Variants in PARD3B observed in about 807,000 individuals in gnomAD.
PARD3B encodes the protein partitioning defective 3 homolog B.
PARD3B carries 103 observed loss-of-function variants against 130.2 expected under a neutral mutation model. That is an observed-to-expected ratio of 0.79 (90% CI 0.67 to 0.93). PARD3B has a LOEUF of 0.93. Among genes scored for constraint, PARD3B ranks in the 40% least tolerant of loss-of-function variants. The pLI is 0.00. For missense variants in PARD3B, 1,609 were observed against 1,499.2 expected, an observed-to-expected ratio of 1.07 and a Z score of -1.21; for synonymous variants, 583 against 553.2, an observed-to-expected ratio of 1.05 and a Z score of -0.76.
At position 205,188,829 on chromosome 2, in the gene PARD3B, G is replaced by A. The variant is rs946890959; in HGVS notation, c.2024+2966G>A. 4.0e-5 allele frequency among the ~76,000 whole-genome samples: 6 copies of A among 149,408 alleles called. 1 individual carries two copies. Among genetic ancestry groups the A allele is most frequent in the African/African-American group, 9.8e-5 (4 of 40,836 alleles). Reference sequence around the variant, plus strand: ...GGAAAAGCCCTCTCAAAGGAAAAAAGGGTGTTGGAGGGATGAGGCTAATCT... The same window carrying A: ...GGAAAAGCCCTCTCAAAGGAAAAAAAGGTGTTGGAGGGATGAGGCTAATCT... On this transcript the variant is annotated intron_variant, in intron 14 of 22. Transcript: ENST00000406610.
At chr2:205,518,283 T>C (rs530656172) in intron 21 of PARD3B, among the ~76,000 whole-genome samples, 1 of 152,302 alleles carries the variant, frequency 6.6e-6, no homozygotes, top group South Asian at 2.1e-4. Context: ...TTATATATAT[T>C]TAGGATAGTT....
chr2:205,073,067 A>G (rs574652024), intron 4 of PARD3B, among the ~76,000 whole-genome samples: 1 of 152,302 alleles, frequency 6.6e-6, no homozygotes, highest in East Asian at 1.9e-4. Flanking sequence ...ATTTAATACA[A>G]ACATTATTAG....
rs2047541163 is a variant in PARD3B at position 204,918,598 on chromosome 2, C to G, written c.223-46554C>G. On this transcript the variant is annotated intron_variant, in intron 2 of 22. Transcript: ENST00000406610. The stretch of plus-strand genomic sequence containing the variant: ...TGAGCCGAGATCCCGCCACTGCACT[C>G]CAGCCTGGGCGACAGAGCGAGACTC... Among the ~76,000 whole-genome samples, 4 of 148,924 alleles carry G rather than the reference C, an allele frequency of 2.7e-5. No homozygotes were observed. The South Asian group carries it at 8.6e-4, about 32-fold the overall frequency.
At chr2:205,497,903 G>A (rs1437655486) in intron 20 of PARD3B, among the ~76,000 whole-genome samples, 1 of 152,044 alleles carries the variant, frequency 6.6e-6, no homozygotes, top group Non-Finnish European at 1.5e-5. Context: ...ATGGCTGGGT[G>A]TAATGGCTCA....
At chr2:204,683,500 G>T (rs1361736393) in intron 1 of PARD3B, among the ~76,000 whole-genome samples, 1 of 152,100 alleles carries the variant, frequency 6.6e-6, no homozygotes, top group Non-Finnish European at 1.5e-5. Flanking sequence ...TAAATTTATG[G>T]TCTTACGATG....
chr2:205,353,941 T>C (rs1170314880), intron 18 of PARD3B, among the ~76,000 whole-genome samples: 1 of 152,032 alleles, frequency 6.6e-6, no homozygotes, highest in Non-Finnish European at 1.5e-5. Context: ...CTCTTTAGTA[T>C]ATGAGGAAAC....
chr2:205,580,585 A>G (rs1445748500), intron 22 of PARD3B, among the ~76,000 whole-genome samples: 4 of 152,204 alleles, frequency 2.6e-5, no homozygotes, highest in Non-Finnish European at 5.9e-5. Context: ...TTAACTATAC[A>G]AAAATTCAAG....
intron 20 of PARD3B, among the ~76,000 whole-genome samples, chr2:205,452,441 C>T (rs2048132662): frequency 6.6e-6 from 1 of 152,168 alleles, no homozygotes; most frequent in South Asian, 2.1e-4. Flanking sequence ...CAAAAGTGAT[C>T]ACATTTCAAT....
intron 2 of PARD3B, among the ~76,000 whole-genome samples, chr2:204,960,999 A>G (rs1690698299): frequency 6.6e-6 from 1 of 152,206 alleles, no homozygotes; most frequent in Non-Finnish European, 1.5e-5. Context: ...CAGCAAGTGC[A>G]AAGACCCTGA....
intron 18 of PARD3B, among the ~76,000 whole-genome samples, chr2:205,331,339 C>T (rs1017330611): frequency 2.6e-5 from 4 of 151,656 alleles, no homozygotes; most frequent in African/African-American, 9.7e-5. Flanking sequence ...TATCAATGAT[C>T]CTAGTCTCTT....
intron 4 of PARD3B, among the ~76,000 whole-genome samples, chr2:205,077,526 G>T (rs1034405869): frequency 2.0e-5 from 3 of 152,138 alleles, no homozygotes; most frequent in Non-Finnish European, 4.4e-5. Flanking sequence ...AGAGAAAGCC[G>T]TGAAGTTCAT....
At chr2:204,585,089 A>G (rs990560380) in intron 1 of PARD3B, among the ~76,000 whole-genome samples, 1 of 152,206 alleles carries the variant, frequency 6.6e-6, no homozygotes, top group African/African-American at 2.4e-5. Context: ...AGAGGGGGCT[A>G]GAGATGCCAC....
chr2:204,677,494 C>T lies in PARD3B; in HGVS notation c.121-8687C>T, dbSNP rs572645014. Among the ~76,000 whole-genome samples the T allele has an allele frequency of 6.6e-6, 1 of 152,230 alleles. No individual in the cohort carries two copies. The highest frequency in any genetic ancestry group is 1.5e-5 in the Non-Finnish European group (1 of 68,044). Reference sequence around the variant, plus strand: ...TAGACAAGCCTCAATTAATTCAGCTCACTCATCATAAGATGTATTTCCATC... The same window carrying T: ...TAGACAAGCCTCAATTAATTCAGCTTACTCATCATAAGATGTATTTCCATC... On this transcript the variant is annotated intron_variant, in intron 1 of 22. Coordinates refer to ENST00000406610, the MANE Select transcript of PARD3B (RefSeq NM_001302769.2). The surrounding 1 kb of genome is among the most constrained non-coding windows in gnomAD (Gnocchi z 4.1).
intron 1 of PARD3B, among the ~76,000 whole-genome samples, chr2:204,679,320 T>TA (rs2036709671): frequency 6.6e-6 from 1 of 152,202 alleles, no homozygotes; most frequent in Admixed American, 6.5e-5. Flanking sequence ...AGATTTCTGT[T>TA]AGATGTATAC....
intron 18 of PARD3B, among the ~76,000 whole-genome samples, chr2:205,347,114 A>T (rs946566604): frequency 3.3e-5 from 5 of 152,110 alleles, no homozygotes; most frequent in Admixed American, 3.3e-4. Flanking sequence ...TAATTTTCCC[A>T]CTGCTGCCAA....
intron 2 of PARD3B, among the ~76,000 whole-genome samples, chr2:204,820,107 C>G (rs2043288780): frequency 1.7e-5 from 2 of 117,876 alleles, no homozygotes; most frequent in South Asian, 5.3e-4. Flanking sequence ...CGGAGTGTCA[C>G]TCTTATTGCC....
At chr2:204,997,828 T>C (rs1559340277) in intron 3 of PARD3B, among the ~76,000 whole-genome samples, 1 of 150,462 alleles carries the variant, frequency 6.6e-6, no homozygotes, top group East Asian at 1.9e-4. Flanking sequence ...TATACATTTA[T>C]AGATATATAA....
chr2:204,894,242 C>A (rs925118308), intron 2 of PARD3B, among the ~76,000 whole-genome samples: 4 of 151,824 alleles, frequency 2.6e-5, no homozygotes, highest in African/African-American at 7.3e-5. Context: ...TGTGTGTATT[C>A]TACTTGAATC....
At chr2:204,924,689 A>G (rs909692811) in intron 2 of PARD3B, among the ~76,000 whole-genome samples, 7 of 152,204 alleles carry the variant, frequency 4.6e-5, no homozygotes, top group African/African-American at 1.7e-4. Context: ...GAAAACAAAA[A>G]GCCTCTCCCA....
Sources: gnomAD v4.1 joint callset for allele counts (sites outside exome capture counted in the v4.1 genomes callset) on GRCh38, gnomAD v4.1.1 for gene constraint, Gnocchi (gnomAD v3.1) non-coding constraint, MANE v1.5 for transcripts, NCBI Gene and HGNC (gene_info 2026-07-23, HGNC 2026-07-21) for gene names.